Variants in NEO1 observed in about 807,000 individuals in gnomAD.
NEO1 encodes neogenin.
NEO1 carries 63 observed loss-of-function variants against 159.7 expected under a neutral mutation model. The observed-to-expected ratio is 0.39, with a 90% confidence interval of 0.32 to 0.49. The LOEUF is 0.49. NEO1 is among the 20% of genes least tolerant of loss of function. NEO1 has a pLI of 0.85. For synonymous variants in NEO1, 633 were observed against 662.0 expected (o/e 0.96, Z 0.67); for missense variants, 1,615 against 1,831.0 (o/e 0.88, Z 2.15).
intron 1 of NEO1, among the ~76,000 whole-genome samples, chr15:73,103,285 C>T (rs1325122140): frequency 6.6e-6 from 1 of 152,076 alleles, no homozygotes; most frequent in African/African-American, 2.4e-5. Context: ...AGACCCTTAC[C>T]AACTCTTCTT....
At chr15:73,259,273 C>G (rs573333403) in intron 14 of NEO1, among the ~76,000 whole-genome samples, 1 of 151,924 alleles carries the variant, frequency 6.6e-6, no homozygotes, top group African/African-American at 2.4e-5. Flanking sequence ...AGTGAGTACT[C>G]CCAAATGGGT....
chr15:73,190,994 A>G (rs991257522), intron 7 of NEO1, among the ~76,000 whole-genome samples: 3 of 152,144 alleles, frequency 2.0e-5, no homozygotes, highest in African/African-American at 7.2e-5. Flanking sequence ...GTTGTTTTAC[A>G]AACATATGCA....
chr15:73,054,517 A>G (rs2067610953), intron 1 of NEO1, among the ~76,000 whole-genome samples: 1 of 152,212 alleles, frequency 6.6e-6, no homozygotes, highest in South Asian at 2.1e-4. Flanking sequence ...TAATTAAGTA[A>G]TTGTGATAAG....
At chr15:73,119,662 G>T (rs1399142616) in intron 2 of NEO1, among the ~76,000 whole-genome samples, 1 of 152,162 alleles carries the variant, frequency 6.6e-6, no homozygotes, top group Non-Finnish European at 1.5e-5. Context: ...TCTTGGGAGC[G>T]CAGGAAGCTG....
chr15:73,178,868 G>A (rs780495020), intron 7 of NEO1, among the ~76,000 whole-genome samples: 2 of 151,862 alleles, frequency 1.3e-5, no homozygotes, highest in Non-Finnish European at 2.9e-5. Flanking sequence ...GACAATTCTG[G>A]GCTGTTGGCA....
chr15:73,156,136 G>C (rs897086974), intron 5 of NEO1, among the ~76,000 whole-genome samples: 1 of 152,178 alleles, frequency 6.6e-6, no homozygotes, highest in African/African-American at 2.4e-5. Context: ...TTGAAGATAT[G>C]TCTATAATGT....
intron 3 of NEO1, among the ~76,000 whole-genome samples, chr15:73,124,947 TAAAA>T (rs914143708): frequency 1.3e-5 from 2 of 152,034 alleles, no homozygotes; most frequent in African/African-American, 4.8e-5. Context: ...CAAGTTGAAT[TAAAA>T]AAAAGAACTA....
At chr15:73,180,898 ATATT>A (rs1423239824) in intron 7 of NEO1, among the ~76,000 whole-genome samples, 8 of 152,200 alleles carry the variant, frequency 5.3e-5, no homozygotes, top group Admixed American at 1.3e-4. Flanking sequence ...TGCAAGATAA[ATATT>A]TATACAGGAA....
intron 1 of NEO1, among the ~76,000 whole-genome samples, chr15:73,054,837 C>T (rs903072074): frequency 2.6e-5 from 4 of 152,154 alleles, no homozygotes; most frequent in Non-Finnish European, 4.4e-5. Flanking sequence ...GAGTAAGCAG[C>T]AACTGGAACA....
At chr15:73,054,452 G>A (rs540854723) in intron 1 of NEO1, among the ~76,000 whole-genome samples, 3 of 152,166 alleles carry the variant, frequency 2.0e-5, no homozygotes, top group Non-Finnish European at 4.4e-5. Flanking sequence ...TGCCTTCATG[G>A]AGTTTACAGT....
At chr15:73,182,584 G>A (rs138087188) in intron 7 of NEO1, among the ~76,000 whole-genome samples, 2,065 of 152,230 alleles carry the variant, frequency 0.014, 19 homozygotes, top group South Asian at 0.017. Flanking sequence ...CATGGCTGGG[G>A]AGGCCTCACA....
At chr15:73,245,084 C>G (rs1201827637) in intron 9 of NEO1, among the ~76,000 whole-genome samples, 1 of 149,156 alleles carries the variant, frequency 6.7e-6, no homozygotes, top group Admixed American at 6.7e-5. Flanking sequence ...CTTCTAGAAT[C>G]TTTCCTCTGA....
intron 13 of NEO1, among the ~76,000 whole-genome samples, chr15:73,256,526 T>C (rs917847237): frequency 6.6e-6 from 1 of 152,062 alleles, no homozygotes; most frequent in Admixed American, 6.5e-5. Flanking sequence ...TTTTACTTGT[T>C]TATGGGTATA....
intron 5 of NEO1, among the ~76,000 whole-genome samples, chr15:73,160,013 A>G (rs1269662438): frequency 6.6e-6 from 1 of 151,930 alleles, no homozygotes; most frequent in African/African-American, 2.4e-5. Context: ...CACTGTCTAT[A>G]TCTTTTACTC....
In NEO1 at chr15:73,116,872, AT is replaced by A. The variant is rs3840037; in HGVS notation, c.448+26del. 4.2e-3 allele frequency: 5,222 copies of A among 1,256,162 alleles called. No individual in the cohort carries two copies. The highest frequency in any genetic ancestry group is 9.8e-3 in the East Asian group (352 of 35,998). 77.8% of individuals were successfully genotyped at this position (1,256,162 alleles called of 1,614,324 possible). ...CATAGTAGCAGGTAAGTTTTAAGTG[AT>A]TTTTTTTTTTGCATTTTCAAATATT... On this transcript the variant is annotated intron_variant, in intron 2 of 28. Coordinates refer to ENST00000261908, the MANE Select transcript of NEO1 (RefSeq NM_002499.4).
At chr15:73,292,404 T>G (rs2042194149) in intron 25 of NEO1, among the ~76,000 whole-genome samples, 1 of 152,238 alleles carries the variant, frequency 6.6e-6, no homozygotes, top group African/African-American at 2.4e-5. Context: ...AGCTTTGGCC[T>G]ATTTGCCTGT....
At chr15:73,228,506 T>C (rs1191334407) in intron 7 of NEO1, among the ~76,000 whole-genome samples, 1 of 151,806 alleles carries the variant, frequency 6.6e-6, no homozygotes, top group African/African-American at 2.4e-5. Context: ...GGAAATATTG[T>C]CTGCCAGTCT....
intron 27 of NEO1, 151 bp from the exon 28 acceptor site, chr15:73,301,170 C>A: frequency 1.0e-6 from 1 of 957,838 alleles, no homozygotes; most frequent in Non-Finnish European, 1.5e-6. Flanking sequence ...CTCCCTCCTT[C>A]CCTCTTATTC....
intron 5 of NEO1, among the ~76,000 whole-genome samples, chr15:73,137,744 G>A (rs538454601): frequency 5.6e-4 from 86 of 152,292 alleles, no homozygotes; most frequent in Admixed American, 1.3e-3. Context: ...TGATCCACCC[G>A]CCTCGGCCTC....
Sources: allele counts gnomAD v4.1 joint callset (sites outside exome capture counted in the v4.1 genomes callset), GRCh38; gene constraint gnomAD v4.1.1; transcripts MANE v1.5; gene names NCBI Gene and HGNC (gene_info 2026-07-23, HGNC 2026-07-21).